The following AGBL1 variants were observed in gnomAD, a reference collection of about 807,000 sequenced individuals.
AGBL1 encodes the protein AGBL carboxypeptidase 1, also known as cytosolic carboxypeptidase 4.
A neutral mutation model predicts 118.9 loss-of-function variants in AGBL1; 130 were observed. The observed-to-expected ratio is 1.09, with a 90% CI of 0.95 to 1.26. The LOEUF (loss-of-function observed/expected upper bound fraction) is 1.26. Among genes scored for constraint, AGBL1 ranks in the 50% most tolerant of loss-of-function variants. AGBL1 has a pLI of 0.00. For synonymous variants in AGBL1, 555 were observed against 478.9 expected, an observed-to-expected ratio of 1.16 and a Z score of -2.08; for missense variants, 1,584 against 1,298.1, an observed-to-expected ratio of 1.22 and a Z score of -3.38.
chr15:86,124,384 C>A, intron 1 of AGBL1, among the ~76,000 whole-genome samples: 1 of 147,340 alleles, frequency 6.8e-6, no homozygotes, highest in African/African-American at 2.5e-5. Flanking sequence ...AAACAAAATA[C>A]CAAAAAAATC....
chr15:87,012,413 C>G (rs890397538), intron 24 of AGBL1, among the ~76,000 whole-genome samples: 1 of 151,962 alleles, frequency 6.6e-6, no homozygotes, highest in Non-Finnish European at 1.5e-5. Context: ...TGTATTTAAC[C>G]TCAATTACTG....
intron 22 of AGBL1, among the ~76,000 whole-genome samples, chr15:86,786,930 G>A (rs2141321213): frequency 6.6e-6 from 1 of 152,172 alleles, no homozygotes; most frequent in South Asian, 2.1e-4. Context: ...TCATCTTCTG[G>A]ATGTTGCCAA....
chr15:86,467,017 G>T (rs2082416212), intron 18 of AGBL1, among the ~76,000 whole-genome samples: 1 of 152,240 alleles, frequency 6.6e-6, no homozygotes, highest in African/African-American at 2.4e-5. Context: ...GAGATCTGCT[G>T]CTCTCTTCAG....
chr15:86,530,404 G>C (rs1384740903), intron 19 of AGBL1, among the ~76,000 whole-genome samples: 2 of 138,674 alleles, frequency 1.4e-5, no homozygotes, highest in Non-Finnish European at 3.0e-5. Context: ...AACAAGAGGA[G>C]CTAACTATCC....
chr15:86,135,316 T>C (rs2076874612), intron 1 of AGBL1, among the ~76,000 whole-genome samples: 1 of 152,246 alleles, frequency 6.6e-6, no homozygotes, highest in Admixed American at 6.5e-5. Context: ...GCTGGGTCCA[T>C]GCTTCTTGTA....
intron 1 of AGBL1, among the ~76,000 whole-genome samples, chr15:86,094,034 T>C (rs1358525406): frequency 6.6e-6 from 1 of 152,132 alleles, no homozygotes; most frequent in Non-Finnish European, 1.5e-5. Flanking sequence ...TATCAAAAGT[T>C]CTTTCAAAAT....
At chr15:86,227,723 G>A (rs1190145003) in intron 6 of AGBL1, among the ~76,000 whole-genome samples, 1 of 152,202 alleles carries the variant, frequency 6.6e-6, no homozygotes, top group African/African-American at 2.4e-5. Flanking sequence ...TGCACTTCTT[G>A]CATAATTGAT....
chr15:86,681,414 T>A (rs1363682428), intron 22 of AGBL1, among the ~76,000 whole-genome samples: 1 of 152,172 alleles, frequency 6.6e-6, no homozygotes, highest in African/African-American at 2.4e-5. Flanking sequence ...CATAGATTCC[T>A]TTTTGAAAAA....
At chr15:86,407,730 G>T (rs1393490888) in intron 18 of AGBL1, among the ~76,000 whole-genome samples, 1 of 152,090 alleles carries the variant, frequency 6.6e-6, no homozygotes, top group Non-Finnish European at 1.5e-5. Flanking sequence ...AGCCATACTG[G>T]GGAGCCTTGT....
intron 23 of AGBL1, among the ~76,000 whole-genome samples, chr15:86,987,205 T>C (rs1280810145): frequency 6.6e-6 from 1 of 152,214 alleles, no homozygotes; most frequent in African/African-American, 2.4e-5. Context: ...TCTGGATGTA[T>C]AGGTGCAGGT....
chr15:86,339,788 G>A (rs901498897), intron 17 of AGBL1, among the ~76,000 whole-genome samples: 6 of 152,156 alleles, frequency 3.9e-5, no homozygotes, highest in Non-Finnish European at 8.8e-5. Context: ...CCAACATGAT[G>A]AAACCCCGTC....
chr15:86,999,594 T>C (rs1412447692), intron 24 of AGBL1, among the ~76,000 whole-genome samples: 1 of 149,712 alleles, frequency 6.7e-6, no homozygotes, highest in African/African-American at 2.5e-5. Flanking sequence ...CCATGGTGTA[T>C]ATGTGCCACA....
At chr15:86,307,061 T>C (rs949906710) in intron 17 of AGBL1, among the ~76,000 whole-genome samples, 1 of 152,316 alleles carries the variant, frequency 6.6e-6, no homozygotes, top group African/African-American at 2.4e-5. Flanking sequence ...ATCTTCTGGC[T>C]ATTAATTCTT....
chr15:86,440,407 T>C (rs1286631746), intron 18 of AGBL1, among the ~76,000 whole-genome samples: 3 of 151,666 alleles, frequency 2.0e-5, no homozygotes, highest in Admixed American at 2.0e-4. Context: ...AAAGGAGAAG[T>C]TGAGAGTACG....
At chr15:86,234,940 A>G (rs980420388) in intron 6 of AGBL1, among the ~76,000 whole-genome samples, 1 of 152,192 alleles carries the variant, frequency 6.6e-6, no homozygotes, top group African/African-American at 2.4e-5. Context: ...GTTGAATGAT[A>G]TCTGGTTGTT....
At chr15:86,896,152 C>T (rs2080122866) in intron 22 of AGBL1, among the ~76,000 whole-genome samples, 1 of 151,832 alleles carries the variant, frequency 6.6e-6, no homozygotes, top group Non-Finnish European at 1.5e-5. Flanking sequence ...CTTTTTCTTT[C>T]ATTATGTTTC....
chr15:86,429,030 G>T (rs913470636), intron 18 of AGBL1, among the ~76,000 whole-genome samples: 7 of 152,190 alleles, frequency 4.6e-5, no homozygotes, highest in African/African-American at 1.7e-4. Context: ...TATGGCTGCT[G>T]GTTTCACAGA....
intron 1 of AGBL1, among the ~76,000 whole-genome samples, chr15:86,098,995 G>A (rs1202169006): frequency 6.6e-6 from 1 of 152,052 alleles, no homozygotes; most frequent in Non-Finnish European, 1.5e-5. Context: ...CTTCATCAAT[G>A]TTTTGTAGTT....
chr15:86,225,014 C>T, intron 6 of AGBL1, 63 bp downstream of exon 6: 1 of 1,467,088 alleles, frequency 6.8e-7, no homozygotes, highest in Non-Finnish European at 9.4e-7. Flanking sequence ...AAGATACTTT[C>T]TGGTCCCCAT....
Sources: allele counts gnomAD v4.1 joint callset (sites outside exome capture counted in the v4.1 genomes callset), GRCh38; gene constraint gnomAD v4.1.1; transcripts MANE v1.5; gene names NCBI Gene and HGNC (gene_info 2026-07-23, HGNC 2026-07-21).